The following LRP1B variants were observed in gnomAD, a reference collection of about 807,000 sequenced individuals.
LRP1B encodes the protein low-density lipoprotein receptor-related protein 1B.
A neutral mutation model predicts 556.6 loss-of-function variants in LRP1B; 217 were observed. That is an observed-to-expected ratio of 0.39 (90% CI 0.35 to 0.44). The LOEUF (loss-of-function observed/expected upper bound fraction) is 0.44, where lower values mean the gene tolerates loss of function less well. LRP1B is among the 20% of genes least tolerant of loss of function. The pLI, the probability that LRP1B is intolerant of heterozygous loss-of-function variation, is 1.00. For missense variants in LRP1B, 5,053 were observed against 5,620.8 expected (o/e 0.90, Z 3.23); for synonymous variants, 2,047 against 1,865.8 (o/e 1.10, Z -2.50).
chr2:140,383,293 CGTGTGTGTGTGT>C (rs35151647), intron 67 of LRP1B, among the ~76,000 whole-genome samples: 8 of 145,744 alleles, frequency 5.5e-5, no homozygotes, highest in Non-Finnish European at 7.6e-5. Flanking sequence ...CAGTGATGTG[CGTGTGTGTGTGT>C]GTGTGTGTGT....
At chr2:141,171,807 T>C (rs1236724844) in intron 7 of LRP1B, among the ~76,000 whole-genome samples, 1 of 152,064 alleles carries the variant, frequency 6.6e-6, no homozygotes. Context: ...TACTACTCCA[T>C]ACCTCACAAG....
At position 140,506,785 on chromosome 2, in the gene LRP1B, G is replaced by C. The variant is rs1243611511; in HGVS notation, c.8521+11C>G. ...TAGGAATCTCCTTCATGAAGTTTTA[G>C]ATGTACTTACCACACTGCGGTGACT... On this transcript the variant is annotated intron_variant, in intron 53 of 90. Coordinates refer to ENST00000389484, the MANE Select transcript of LRP1B (RefSeq NM_018557.3). 6.2e-7 allele frequency: 1 copy of C among 1,603,624 alleles called. No homozygotes were observed. The highest frequency in any genetic ancestry group is 8.5e-7 in the Non-Finnish European group (1 of 1,176,370).
chr2:140,709,527 T>G (rs149814682), intron 37 of LRP1B, among the ~76,000 whole-genome samples: 2 of 151,878 alleles, frequency 1.3e-5, no homozygotes, highest in Admixed American at 6.6e-5. Context: ...GAGTCAATGA[T>G]AGCTGAAAGA....
At chr2:140,456,724 A>G in intron 61 of LRP1B, 121 bp from the exon 62 acceptor site, 1 of 766,326 alleles carries the variant, frequency 1.3e-6, no homozygotes, top group Non-Finnish European at 2.0e-6. Flanking sequence ...CTTTGTACTC[A>G]AGAACTCATC....
intron 11 of LRP1B, among the ~76,000 whole-genome samples, chr2:141,042,091 G>T (rs754146247): frequency 6.6e-6 from 1 of 152,028 alleles, no homozygotes; most frequent in Non-Finnish European, 1.5e-5. Context: ...AATGTTCCAA[G>T]GTTCTCTCAC....
At position 140,840,963 on chromosome 2, in the gene LRP1B, T is replaced by A; in HGVS notation, c.5069A>T (p.His1690Leu). ...AAGACACTGTGGCTTATCGATTCCA[T>A]GGATAATTGAGGTTTTCAAAGAGCC... ...LDGSLKTSII[H>L]GIDKPQCLAA... Residue 1690 changes from histidine (H) to leucine (L), a missense_variant, in exon 30 of 91, where the codon CAT (histidine) becomes CTT (leucine). His to Leu is a moderately conservative substitution (Grantham distance 99). Coordinates refer to ENST00000389484, the MANE Select transcript of LRP1B (RefSeq NM_018557.3). 1 of 1,613,444 alleles carries A rather than the reference T, an allele frequency of 6.2e-7. No homozygotes were observed. Among genetic ancestry groups the A allele is most frequent in the Non-Finnish European group, 8.5e-7 (1 of 1,179,640 alleles).
intron 27 of LRP1B, among the ~76,000 whole-genome samples, chr2:140,858,255 G>A (rs988072085): frequency 6.6e-6 from 1 of 151,968 alleles, no homozygotes; most frequent in Admixed American, 6.6e-5. Context: ...ACACTGAGAA[G>A]CCCTGATTTT....
chr2:140,302,992 T>C, intron 83 of LRP1B, among the ~76,000 whole-genome samples: 1 of 138,526 alleles, frequency 7.2e-6, no homozygotes, highest in Non-Finnish European at 1.5e-5. Context: ...CATGTACCAA[T>C]TCCAATTATA....
chr2:141,222,774 C>T (rs1683097752), intron 6 of LRP1B, among the ~76,000 whole-genome samples: 1 of 151,986 alleles, frequency 6.6e-6, no homozygotes, highest in African/African-American at 2.4e-5. Flanking sequence ...ATAAACAGAA[C>T]CGAAGGCAAA....
intron 66 of LRP1B, among the ~76,000 whole-genome samples, chr2:140,396,698 A>G (rs2105219998): frequency 6.6e-6 from 1 of 152,334 alleles, no homozygotes; most frequent in East Asian, 1.9e-4. Context: ...ATAGTATCTG[A>G]AAAATTAAAA....
chr2:140,923,358 T>C (rs933505350), intron 20 of LRP1B, among the ~76,000 whole-genome samples: 2 of 152,058 alleles, frequency 1.3e-5, no homozygotes, highest in Admixed American at 6.6e-5. Context: ...AATAGTCCGA[T>C]AAAATGATGT....
intron 3 of LRP1B, among the ~76,000 whole-genome samples, chr2:141,451,829 AC>A (rs1192139968): frequency 6.6e-6 from 1 of 152,230 alleles, no homozygotes; most frequent in Non-Finnish European, 1.5e-5. Flanking sequence ...TTGAAACTAC[AC>A]ATAAATAAGT....
chr2:141,656,798 T>A (rs1690026110), intron 2 of LRP1B, among the ~76,000 whole-genome samples: 1 of 152,126 alleles, frequency 6.6e-6, no homozygotes, highest in African/African-American at 2.4e-5. Flanking sequence ...TAGACAATCC[T>A]CTTTTAAGTA....
chr2:140,507,635 T>C (rs1689475349), intron 52 of LRP1B, among the ~76,000 whole-genome samples: 1 of 152,060 alleles, frequency 6.6e-6, no homozygotes, highest in Admixed American at 6.5e-5. Flanking sequence ...ACATAACTAG[T>C]GCAGAGAAAG....
At chr2:142,088,351 T>C (rs571577933) in intron 1 of LRP1B, among the ~76,000 whole-genome samples, 119 of 152,276 alleles carry the variant, frequency 7.8e-4, no homozygotes, top group South Asian at 2.3e-3. Flanking sequence ...ACACTATTAG[T>C]TGGTTTTAGT....
chr2:141,585,885 C>T (rs887763405), intron 2 of LRP1B, among the ~76,000 whole-genome samples: 50 of 144,256 alleles, frequency 3.5e-4, no homozygotes, highest in Admixed American at 2.8e-4. Context: ...TACAGGTGCA[C>T]TTTTTTTTTT....
chr2:140,899,826 TATAAG>T (rs1383290766), intron 23 of LRP1B, among the ~76,000 whole-genome samples: 5 of 152,198 alleles, frequency 3.3e-5, no homozygotes, highest in Non-Finnish European at 5.9e-5. Context: ...ATGCAACACT[TATAAG>T]ATAAAAGTCA....
chr2:140,452,382 T>C (rs1686921288), intron 62 of LRP1B, among the ~76,000 whole-genome samples: 1 of 152,272 alleles, frequency 6.6e-6, no homozygotes, highest in African/African-American at 2.4e-5. Flanking sequence ...AAAAATTCAC[T>C]TGAAATTAGT....
rs544145963 is a variant in LRP1B at position 141,853,327 on chromosome 2, T to C, written c.83-42926A>G. On this transcript the variant is annotated intron_variant, in intron 1 of 90. Coordinates refer to ENST00000389484, the MANE Select transcript of LRP1B (RefSeq NM_018557.3). ...ATCACCATTTAAGTTATAACGGTTA[T>C]GAAGAATCACGCAATAGAAAAAATA... Among the ~76,000 whole-genome samples the C allele has an allele frequency of 2.5e-4, 38 of 151,806 alleles. No homozygotes were observed. The South Asian group carries it at 7.9e-3, about 31-fold the overall frequency.
Sources: gnomAD v4.1 joint callset for allele counts (sites outside exome capture counted in the v4.1 genomes callset) on GRCh38, gnomAD v4.1.1 for gene constraint, MANE v1.5 for transcripts, NCBI Gene and HGNC (gene_info 2026-07-23, HGNC 2026-07-21) for gene names.